The following ADGRV1 variants were observed in gnomAD, a reference collection of about 807,000 sequenced individuals.
The protein encoded by ADGRV1 is G-protein coupled receptor 98.
ADGRV1 carries 359 observed loss-of-function variants against 596.2 expected under a neutral mutation model. The observed-to-expected ratio is 0.60, with a 90% CI of 0.55 to 0.66. The LOEUF is 0.66. Ranked by LOEUF, ADGRV1 falls within the 30% of genes least tolerant of loss-of-function variation. The probability of loss-of-function intolerance (pLI) is 0.00; values close to 1 mark genes in which losing one functional copy is unlikely to be tolerated. For missense variants in ADGRV1, 7,274 were observed against 7,575.6 expected (o/e 0.96, Z 1.48); for synonymous variants, 2,681 against 2,679.2 (o/e 1.00, Z -0.02).
intron 83 of ADGRV1, among the ~76,000 whole-genome samples, chr5:90,952,058 A>G (rs1777105269): frequency 6.6e-6 from 1 of 152,222 alleles, no homozygotes; most frequent in Non-Finnish European, 1.5e-5. Flanking sequence ...TGTAAAATAA[A>G]TAAAAGTTGT....
chr5:90,747,062 G>T (rs144750266), intron 52 of ADGRV1, among the ~76,000 whole-genome samples: 41 of 152,282 alleles, frequency 2.7e-4, no homozygotes, highest in Admixed American at 4.6e-4. Flanking sequence ...GAATGCAAGG[G>T]AGGGAGTGGA....
intron 85 of ADGRV1, among the ~76,000 whole-genome samples, chr5:91,056,894 C>T (rs1786922537): frequency 6.6e-6 from 1 of 152,196 alleles, no homozygotes; most frequent in Admixed American, 6.5e-5. Context: ...TTTTGTCTAA[C>T]ATAATCTCCA....
At chr5:90,901,992 G>C (rs1771892987) in intron 83 of ADGRV1, among the ~76,000 whole-genome samples, 1 of 152,068 alleles carries the variant, frequency 6.6e-6, no homozygotes, top group Admixed American at 6.6e-5. Flanking sequence ...AGAAGTCCAG[G>C]TGAAAGATGG....
chr5:90,561,960 G>A (rs1001255476), intron 1 of ADGRV1, among the ~76,000 whole-genome samples: 1 of 151,960 alleles, frequency 6.6e-6, no homozygotes, highest in African/African-American at 2.4e-5. Flanking sequence ...TTTTTTCTGA[G>A]TGCAAAGATA....
rs182769179 is a variant in ADGRV1 at position 90,661,781 on chromosome 5, G to C, written c.4752+3503G>C. 1.9e-3 allele frequency among the ~76,000 whole-genome samples: 283 copies of C among 152,108 alleles called. 2 individuals are homozygous for C. Among genetic ancestry groups the C allele is most frequent in the African/African-American group, 6.4e-3 (267 of 41,498 alleles). On this transcript the variant is annotated intron_variant, in intron 21 of 89. Transcript: ENST00000405460. ...GGATGTTAGGCCCCTTCATATACTG[G>C]CCTAAATGTTTGTTTGTATCATAAT... is the stretch of plus-strand genomic sequence containing the variant.
Position 91,107,174 on chromosome 5 carries a change from T to C in ADGRV1, c.18432+4834T>C, listed in dbSNP as rs950488480. On this transcript the variant is annotated intron_variant, in intron 87 of 89. Coordinates refer to ENST00000405460, the MANE Select transcript of ADGRV1 (RefSeq NM_032119.4). ...TTCCAGGTGGTACTGATTCGGCTGG[T>C]CTGGGAACTACAGTTTGAGAAAAAA... Among the ~76,000 whole-genome samples, 4 of 150,958 alleles carry C rather than the reference T, an allele frequency of 2.6e-5. No individual in the cohort carries two copies. In the East Asian group the frequency reaches 5.8e-4, roughly 22 times the overall value.
chr5:90,977,105 C>T (rs1234679673), intron 84 of ADGRV1, among the ~76,000 whole-genome samples: 1 of 152,066 alleles, frequency 6.6e-6, no homozygotes, highest in African/African-American at 2.4e-5. Flanking sequence ...CCTTGTTTCT[C>T]GTTCATCGTT....
chr5:90,694,673 T>A lies in ADGRV1; in HGVS notation c.7917T>A (p.Gly2639=), dbSNP rs776306672. ...CTACTGAAGGTTTAGATTTTATAGG[T>A]GCTGGAGAGATTCTGACCTTTGCTG... The part of the protein sequence containing the change: ...GTATEGLDFI[G]AGEILTFAEG... The change falls in exon 33 of 90, where the codon GGT becomes GGA. Residue 2639 remains glycine, a synonymous_variant. Coordinates refer to ENST00000405460, the MANE Select transcript of ADGRV1 (RefSeq NM_032119.4). 7.5e-6 allele frequency: 12 copies of A among 1,598,986 alleles called. No homozygotes were observed. The South Asian group carries it at 1.4e-4, about 18-fold the overall frequency.
At chr5:90,953,070 T>C (rs1338131716) in intron 83 of ADGRV1, among the ~76,000 whole-genome samples, 1 of 152,154 alleles carries the variant, frequency 6.6e-6, no homozygotes, top group African/African-American at 2.4e-5. Context: ...TTAACAGAAA[T>C]ATTTTTGAAA....
In ADGRV1 at chr5:90,778,023, G is replaced by A. The variant is rs1355883779; in HGVS notation, c.12646G>A (p.Ala4216Thr). The A allele has an allele frequency of 6.3e-7, 1 of 1,576,960 alleles. No homozygotes were observed. The highest frequency in any genetic ancestry group is 8.6e-7 in the Non-Finnish European group (1 of 1,159,534). The change falls in exon 62 of 90, where the codon GCA (alanine) becomes ACA (threonine). Residue 4216 changes from alanine to threonine, a missense_variant. Around this residue, in one of 5 missense-constraint regions of ADGRV1, gnomAD observed 3,643 missense variants for 3,809.2 expected, o/e 0.96. Transcript: ENST00000405460. ...GKLTMRDEQS[A>T]VIVVIQALND... ...ACTGACAATGCGAGACGAACAGTCT[G>A]CAGTCATTGTAGTAATACAGGTATC...
At chr5:91,027,406 G>T (rs1447664773) in intron 85 of ADGRV1, among the ~76,000 whole-genome samples, 2 of 152,050 alleles carry the variant, frequency 1.3e-5, no homozygotes, top group Non-Finnish European at 2.9e-5. Flanking sequence ...ATACTGAGAA[G>T]GTGAGATACA....
intron 84 of ADGRV1, among the ~76,000 whole-genome samples, chr5:90,982,895 T>C (rs1780198504): frequency 6.6e-6 from 1 of 152,202 alleles, no homozygotes; most frequent in African/African-American, 2.4e-5. Flanking sequence ...GCTAGGCATT[T>C]GTCCAAAAAT....
At position 90,788,133 on chromosome 5, in the gene ADGRV1, T is replaced by A; in HGVS notation, c.13716T>A (p.Ile4572=). Residue 4572 remains isoleucine (I), a synonymous_variant, in exon 68 of 90, where the codon ATT becomes ATA. Coordinates refer to ENST00000405460, the MANE Select transcript of ADGRV1 (RefSeq NM_032119.4). ...CCTTACTGCCACAGAATAGAGACAT[T>A]GCAGACCCAGTGAGCGGGTTGTTCT... ...QEALLPQNRD[I]ADPVSGLFYF... is the part of the protein sequence containing the mutation. 6.2e-7 allele frequency: 1 copy of A among 1,613,616 alleles called. No homozygotes were observed. Among genetic ancestry groups the A allele is most frequent in the Non-Finnish European group, 8.5e-7 (1 of 1,179,594 alleles).
chr5:90,973,669 T>G (rs1779274324), intron 84 of ADGRV1, among the ~76,000 whole-genome samples: 1 of 152,172 alleles, frequency 6.6e-6, no homozygotes, highest in Non-Finnish European at 1.5e-5. Context: ...TGCTAAAAAC[T>G]CTCAATAAGT....
At chr5:91,006,154 T>A (rs540530945) in intron 85 of ADGRV1, among the ~76,000 whole-genome samples, 79 of 152,272 alleles carry the variant, frequency 5.2e-4, no homozygotes, top group Non-Finnish European at 9.6e-4. Context: ...TAGGATTTTT[T>A]AAAGTAGCTC....
rs779145615 is a variant in ADGRV1, at chr5:90,711,221, G to A, written c.8941G>A (p.Val2981Ile). 2.7e-5 allele frequency: 43 copies of A among 1,612,608 alleles called. No individual in the cohort carries two copies. Among genetic ancestry groups the A allele is most frequent in the Non-Finnish European group, 3.5e-5 (41 of 1,179,074 alleles). The part of the protein sequence containing the change: ...VNETHGSLTL[V>I]AQRSREPLGH... Reference sequence around the variant, plus strand: ...TGAAACCCATGGAAGTTTAACATTGGTAGCCCAGAGGAGCAGAGAACCTCT... The same window carrying A: ...TGAAACCCATGGAAGTTTAACATTGATAGCCCAGAGGAGCAGAGAACCTCT... The change falls in exon 41 of 90, where the codon GTA becomes ATA. Residue 2981 changes from valine to isoleucine, a missense_variant. Physicochemically the swap from Val to Ile is conservative, Grantham distance 29. Coordinates refer to ENST00000405460, the MANE Select transcript of ADGRV1 (RefSeq NM_032119.4).
chr5:90,947,288 T>A (rs1419806850), intron 83 of ADGRV1, among the ~76,000 whole-genome samples: 5 of 152,008 alleles, frequency 3.3e-5, no homozygotes, highest in African/African-American at 1.2e-4. Flanking sequence ...AATGTCTTCT[T>A]TTGAGAAGTG....
At chr5:90,908,687 T>C (rs1772551276) in intron 83 of ADGRV1, among the ~76,000 whole-genome samples, 1 of 152,204 alleles carries the variant, frequency 6.6e-6, no homozygotes, top group Non-Finnish European at 1.5e-5. Flanking sequence ...TATATGACCT[T>C]CTGCGCATTT....
At chr5:90,730,452 A>AT (rs999474275) in intron 50 of ADGRV1, among the ~76,000 whole-genome samples, 23 of 152,060 alleles carry the variant, frequency 1.5e-4, no homozygotes, top group Non-Finnish European at 2.9e-5. Flanking sequence ...GCATTTATGA[A>AT]TTTTTTTTAA....
Sources: allele counts gnomAD v4.1 joint callset (sites outside exome capture counted in the v4.1 genomes callset), GRCh38; gene constraint gnomAD v4.1.1; regional missense constraint gnomAD v4.1.1; transcripts MANE v1.5; gene names NCBI Gene and HGNC (gene_info 2026-07-23, HGNC 2026-07-21).